Variants in ASTN1 observed in about 807,000 individuals in gnomAD.
ASTN1 encodes the protein astrotactin 1, also known as astrotactin-1.
In ASTN1, 41 loss-of-function variants were observed where a neutral mutation model predicts 140.7. The ratio of observed to expected loss-of-function variants is 0.29; its 90% CI spans 0.23 to 0.38. The LOEUF is 0.38. Among genes scored for constraint, ASTN1 ranks in the 10% least tolerant of loss-of-function variants. The pLI is 1.00. For missense variants in ASTN1, 1,479 were observed against 1,678.8 expected (o/e 0.88, Z 2.08); for synonymous variants, 640 against 652.2 (o/e 0.98, Z 0.29).
At chr1:176,992,177 G>A (rs1674213955) in intron 8 of ASTN1, among the ~76,000 whole-genome samples, 1 of 152,076 alleles carries the variant, frequency 6.6e-6, no homozygotes, top group South Asian at 2.1e-4. Context: ...GCAGAGTTGG[G>A]AACCATGGAA....
intron 5 of ASTN1, among the ~76,000 whole-genome samples, chr1:177,026,916 C>A (rs4650956): frequency 6.6e-6 from 1 of 151,962 alleles, no homozygotes; most frequent in African/African-American, 2.4e-5. Flanking sequence ...CTTCATGGAG[C>A]AGAGCAGACC....
chr1:177,009,392 C>T (rs1571643290), intron 8 of ASTN1, among the ~76,000 whole-genome samples: 1 of 152,170 alleles, frequency 6.6e-6, no homozygotes, highest in South Asian at 2.1e-4. Flanking sequence ...AATAAAAACA[C>T]CTCCTGTCAA....
At chr1:176,876,679 G>C (rs757445466) in intron 20 of ASTN1, 42 bp from the exon 21 acceptor site, 1 of 1,591,962 alleles carries the variant, frequency 6.3e-7, no homozygotes, top group East Asian at 2.2e-5. Context: ...AAACAGTGTG[G>C]CTGGAGGCTA....
chr1:177,003,759 C>A (rs937162961), intron 8 of ASTN1, among the ~76,000 whole-genome samples: 1 of 151,742 alleles, frequency 6.6e-6, no homozygotes, highest in Admixed American at 6.6e-5. Context: ...TTGCAGTGAG[C>A]CAAGATTGCC....
intron 1 of ASTN1, among the ~76,000 whole-genome samples, chr1:177,098,555 A>G (rs1294682966): frequency 6.6e-6 from 1 of 151,918 alleles, no homozygotes; most frequent in Non-Finnish European, 1.5e-5. Flanking sequence ...ATTAATTAGC[A>G]TTGGATGTGT....
chr1:177,018,392 A>T (rs1343502880), intron 7 of ASTN1, among the ~76,000 whole-genome samples: 1 of 152,176 alleles, frequency 6.6e-6, no homozygotes, highest in African/African-American at 2.4e-5. Context: ...AGGGAAGGTT[A>T]GAGAGAGAGA....
intron 2 of ASTN1, among the ~76,000 whole-genome samples, chr1:177,054,518 C>T (rs1428039004): frequency 6.6e-6 from 1 of 152,170 alleles, no homozygotes; most frequent in Non-Finnish European, 1.5e-5. Flanking sequence ...AGGAGTGTAC[C>T]ACATAAGCCC....
intron 2 of ASTN1, among the ~76,000 whole-genome samples, chr1:177,033,154 T>TGTGTGC (rs1336220654): frequency 4.0e-5 from 6 of 151,276 alleles, no homozygotes; most frequent in East Asian, 1.9e-4. Flanking sequence ...TGTGTGTGTG[T>TGTGTGC]GTGCGTGATT....
In ASTN1 at chr1:176,937,016, C is replaced by T. The variant is rs527943004; in HGVS notation, c.2378-646G>A. Among the ~76,000 whole-genome samples, 22 of 152,324 alleles carry T rather than the reference C, an allele frequency of 1.4e-4. No individual in the cohort carries two copies. The South Asian group carries it at 3.9e-3, about 27-fold the overall frequency. ...TCAAAAAAAGATAAGGTCCCTAAGA[C>T]ACCAGGTAAGCCAGGATGGGGCTCC... is the stretch of plus-strand genomic sequence containing the variant. On this transcript the variant is annotated intron_variant, in intron 14 of 22. Coordinates refer to ENST00000361833, the MANE Select transcript of ASTN1 (RefSeq NM_004319.3).
At chr1:176,973,342 T>A (rs549754059) in intron 8 of ASTN1, among the ~76,000 whole-genome samples, 1 of 152,312 alleles carries the variant, frequency 6.6e-6, no homozygotes, top group South Asian at 2.1e-4. Flanking sequence ...CATTAAATTA[T>A]GTCATTCATT....
At chr1:176,860,891 A>G (rs1399722328), downstream of ASTN1, among the ~76,000 whole-genome samples, 2 of 152,198 alleles carry the variant, frequency 1.3e-5, no homozygotes, top group Non-Finnish European at 2.9e-5. Context: ...TTATTTAATG[A>G]TAAGTTTATA....
At position 176,934,260 on chromosome 1, in the gene ASTN1, G is replaced by T. The variant is rs1412426414; in HGVS notation, c.2563C>A (p.His855Asn). Reference sequence around the variant, plus strand: ...CCGTAGATAGCTTCCTGGATGTAATGGTTGCCGAACTGGTCCAACAGCGCC... The same window carrying T: ...CCGTAGATAGCTTCCTGGATGTAATTGTTGCCGAACTGGTCCAACAGCGCC... The part of the protein sequence containing the change: ...FVALLDQFGN[H>N]YIQEAIYGFE... The change falls in exon 16 of 23, where the codon CAT becomes AAT. Residue 855 changes from histidine (H) to asparagine (N), a missense_variant. Physicochemically the swap from His to Asn is moderately conservative, Grantham distance 68. Around this residue, in one of 3 missense-constraint regions of ASTN1, gnomAD observed 746 missense variants for 800.9 expected, o/e 0.93. Transcript: ENST00000361833. The T allele has an allele frequency of 2.5e-6, 4 of 1,614,072 alleles. No individual in the cohort carries two copies. Among genetic ancestry groups the T allele is most frequent in the Non-Finnish European group, 2.5e-6 (3 of 1,179,966 alleles).
chr1:176,916,636 A>G (rs1465482907), intron 16 of ASTN1, among the ~76,000 whole-genome samples: 1 of 152,004 alleles, frequency 6.6e-6, no homozygotes, highest in Non-Finnish European at 1.5e-5. Flanking sequence ...CGTCATATCA[A>G]CTTTCCACTA....
chr1:177,144,679 A>T (rs1682643149), intron 1 of ASTN1, among the ~76,000 whole-genome samples: 1 of 150,164 alleles, frequency 6.7e-6, no homozygotes, highest in African/African-American at 2.5e-5. Flanking sequence ...GAAGGTTATT[A>T]GTGATTTCTT....
intron 16 of ASTN1, among the ~76,000 whole-genome samples, chr1:176,931,629 A>C (rs936928815): frequency 6.6e-6 from 1 of 152,224 alleles, no homozygotes; most frequent in African/African-American, 2.4e-5. Context: ...GATCTGGCCC[A>C]AAACACTCAT....
chr1:176,866,134 C>G (rs113891719), intron 22 of ASTN1, among the ~76,000 whole-genome samples: 2 of 152,178 alleles, frequency 1.3e-5, no homozygotes, highest in Admixed American at 1.3e-4. Context: ...CCTTTCATTT[C>G]TCTTCTACTG....
chr1:177,002,603 A>C (rs1310677266), intron 8 of ASTN1, among the ~76,000 whole-genome samples: 1 of 152,152 alleles, frequency 6.6e-6, no homozygotes, highest in Non-Finnish European at 1.5e-5. Flanking sequence ...TTGTAAAAAA[A>C]ATAGATAAAG....
At chr1:176,997,439 C>A (rs944319926) in intron 8 of ASTN1, among the ~76,000 whole-genome samples, 1 of 151,986 alleles carries the variant, frequency 6.6e-6, no homozygotes, top group Non-Finnish European at 1.5e-5. Context: ...ATGGATAAGA[C>A]CCTAGAGGAC....
At chr1:176,986,869 A>G (rs1397402612) in intron 8 of ASTN1, among the ~76,000 whole-genome samples, 1 of 152,240 alleles carries the variant, frequency 6.6e-6, no homozygotes, top group Non-Finnish European at 1.5e-5. Flanking sequence ...GCACATGTTA[A>G]GTACTATATA....
Sources: allele counts gnomAD v4.1 joint callset (sites outside exome capture counted in the v4.1 genomes callset), GRCh38; gene constraint gnomAD v4.1.1; regional missense constraint gnomAD v4.1.1; transcripts MANE v1.5; gene names NCBI Gene and HGNC (gene_info 2026-07-23, HGNC 2026-07-21).